The following UBE2D2 variants were observed in gnomAD, a reference collection of about 807,000 sequenced individuals.
The protein encoded by UBE2D2 is ubiquitin-conjugating enzyme E2 D2.
In UBE2D2, 2 loss-of-function variants were observed where a neutral mutation model predicts 24.2. The observed-to-expected ratio is 0.08, with a 90% CI of 0.03 to 0.26. The LOEUF is 0.26. Ranked by LOEUF, UBE2D2 falls within the 10% of genes least tolerant of loss-of-function variation. The probability of loss-of-function intolerance (pLI) is 1.00; values close to 1 mark genes in which losing one functional copy is unlikely to be tolerated. For synonymous variants in UBE2D2, 58 were observed against 56.5 expected (o/e 1.03, Z -0.12); for missense variants, 44 against 177.6 (o/e 0.25, Z 4.28).
intron 1 of UBE2D2, among the ~76,000 whole-genome samples, chr5:139,596,500 G>T (rs1197634422): frequency 4.0e-5 from 6 of 151,670 alleles, no homozygotes; most frequent in Non-Finnish European, 1.5e-5. Context: ...CACCATGTTG[G>T]TCATGCTGGT....
At chr5:139,617,454 G>A (rs1345052782) in intron 5 of UBE2D2, among the ~76,000 whole-genome samples, 1 of 140,934 alleles carries the variant, frequency 7.1e-6, no homozygotes, top group African/African-American at 2.6e-5. Flanking sequence ...TTGACTGACT[G>A]CAACCTCCGC....
At chr5:139,561,299 C>G (rs577029299), upstream of UBE2D2, 3 of 152,844 alleles carry the variant, frequency 2.0e-5, no homozygotes, top group African/African-American at 7.2e-5. Flanking sequence ...CCCCGCGCCT[C>G]CCGACCTGCC....
At chr5:139,572,647 CT>C (rs35460912) in intron 1 of UBE2D2, among the ~76,000 whole-genome samples, 8,848 of 137,838 alleles carry the variant, frequency 0.064, 268 homozygotes, top group South Asian at 0.11. Flanking sequence ...AATTATTATT[CT>C]TTTTTTTTTT....
chr5:139,535,808 A>G (rs1425307394), intron 1 of UBE2D2, among the ~76,000 whole-genome samples: 1 of 152,230 alleles, frequency 6.6e-6, no homozygotes, highest in African/African-American at 2.4e-5. Context: ...TATTACAGTG[A>G]GCTCTCATGC....
intron 1 of UBE2D2, among the ~76,000 whole-genome samples, chr5:139,540,076 C>T (rs181241915): frequency 0.01 from 1,587 of 151,830 alleles, 13 homozygotes; most frequent in Non-Finnish European, 0.012. Flanking sequence ...TGCACCACTA[C>T]GCCTGGCTAA....
chr5:139,593,580 AAC>A (rs1367881749), intron 1 of UBE2D2, among the ~76,000 whole-genome samples: 2 of 152,134 alleles, frequency 1.3e-5, no homozygotes, highest in Non-Finnish European at 2.9e-5. Context: ...GTATGTAATA[AAC>A]ACATATGTAA....
chr5:139,547,879 AAGAC>A (rs1446579101), intron 1 of UBE2D2, among the ~76,000 whole-genome samples: 6 of 151,412 alleles, frequency 4.0e-5, no homozygotes, highest in African/African-American at 1.4e-4. Context: ...ATTTTTAGTA[AAGAC>A]AGTGTTTCAC....
chr5:139,604,541 C>T (rs1399134080), intron 2 of UBE2D2, among the ~76,000 whole-genome samples: 1 of 152,094 alleles, frequency 6.6e-6, no homozygotes, highest in Admixed American at 6.6e-5. Context: ...AGTAAGCACA[C>T]GAAAAGATGC....
chr5:139,531,533 G>A (rs1253570578), intron 1 of UBE2D2, among the ~76,000 whole-genome samples: 1 of 151,170 alleles, frequency 6.6e-6, no homozygotes, highest in African/African-American at 2.4e-5. Context: ...CTCGGTGTCT[G>A]AGAGGTTTTG....
In UBE2D2 at chr5:139,622,489, C is replaced by T. The variant is rs543940733; in HGVS notation, c.305-879C>T. On this transcript the variant is annotated intron_variant, in intron 5 of 6. Transcript: ENST00000398733. The stretch of plus-strand genomic sequence containing the variant: ...CAATCTCTTGATCTCGTGATCCACC[C>T]CCCTCCGCCTCCCAAAGTGCTGGGA... Among the ~76,000 whole-genome samples the T allele has an allele frequency of 1.9e-4, 28 of 150,944 alleles. No individual in the cohort carries two copies. In the South Asian group the frequency reaches 5.2e-3, roughly 28 times the overall value.
At chr5:139,598,888 A>G (rs897024360) in intron 1 of UBE2D2, among the ~76,000 whole-genome samples, 9 of 100,364 alleles carry the variant, frequency 9.0e-5, no homozygotes, top group African/African-American at 2.6e-4. Flanking sequence ...GGTGGCTTTT[A>G]TTACTTCAGT....
upstream of UBE2D2, among the ~76,000 whole-genome samples, chr5:139,556,783 C>A (rs1475300047): frequency 1.3e-5 from 2 of 149,148 alleles, no homozygotes; most frequent in Admixed American, 1.3e-4. Flanking sequence ...TTGAAAAACA[C>A]AAATTATCAC....
At chr5:139,590,179 A>T (rs1753813278) in intron 1 of UBE2D2, among the ~76,000 whole-genome samples, 1 of 152,130 alleles carries the variant, frequency 6.6e-6, no homozygotes. Context: ...GAAATAAAGG[A>T]TCTGTTGTGG....
chr5:139,601,949 A>G (rs191964929), intron 2 of UBE2D2, among the ~76,000 whole-genome samples: 178 of 152,280 alleles, frequency 1.2e-3, no homozygotes, highest in African/African-American at 4.0e-3. Context: ...AACATTTAAC[A>G]AATATTTTAA....
chr5:139,607,736 G>A (rs899857680), intron 2 of UBE2D2, among the ~76,000 whole-genome samples: 2 of 152,240 alleles, frequency 1.3e-5, no homozygotes, highest in African/African-American at 4.8e-5. Context: ...GCATGGTACA[G>A]TGGCTCATGC....
chr5:139,590,467 A>G (rs1156566576), intron 1 of UBE2D2, among the ~76,000 whole-genome samples: 1 of 151,716 alleles, frequency 6.6e-6, no homozygotes, highest in Non-Finnish European at 1.5e-5. Context: ...AGAAAGAAAA[A>G]GGAACAAACT....
intron 1 of UBE2D2, among the ~76,000 whole-genome samples, chr5:139,570,304 C>G (rs868005503): frequency 6.6e-6 from 1 of 152,074 alleles, no homozygotes. Flanking sequence ...ACAACTATTG[C>G]AAATTTGGTG....
intron 2 of UBE2D2, among the ~76,000 whole-genome samples, chr5:139,608,779 T>C (rs1754250941): frequency 6.6e-6 from 1 of 152,164 alleles, no homozygotes; most frequent in Non-Finnish European, 1.5e-5. Flanking sequence ...AAAGGAAATA[T>C]TTAGCTAAAA....
chr5:139,553,849 G>C (rs758992764), intron 1 of UBE2D2, among the ~76,000 whole-genome samples: 1 of 152,066 alleles, frequency 6.6e-6, no homozygotes, highest in Non-Finnish European at 1.5e-5. Flanking sequence ...GCGCGATCTT[G>C]GCTCACTGCA....
Sources: allele counts gnomAD v4.1 joint callset (sites outside exome capture counted in the v4.1 genomes callset), GRCh38; gene constraint gnomAD v4.1.1; transcripts MANE v1.5; gene names NCBI Gene and HGNC (gene_info 2026-07-23, HGNC 2026-07-21).